The following IMMP2L variants were observed in gnomAD, a reference collection of about 807,000 sequenced individuals.
IMMP2L encodes mitochondrial inner membrane protease subunit 2.
Under a neutral mutation model 19.3 loss-of-function variants are expected in IMMP2L, and 18 were observed. The observed-to-expected ratio is 0.93, with a 90% confidence interval of 0.64 to 1.38. The LOEUF (loss-of-function observed/expected upper bound fraction) is 1.38. Among genes scored for constraint, IMMP2L ranks in the 40% most tolerant of loss-of-function variants. The pLI is 0.00. For missense variants in IMMP2L, 233 were observed against 218.2 expected (o/e 1.07, Z -0.43); for synonymous variants, 76 against 73.0 (o/e 1.04, Z -0.21).
rs1349367233 is a variant in IMMP2L, at chr7:110,712,550, T to G, written c.409-48829A>C. 7.5e-5 allele frequency among the ~76,000 whole-genome samples: 2 copies of G among 26,700 alleles called. 1 individual carries two copies. The highest frequency in any genetic ancestry group is 3.3e-4 in the African/African-American group (2 of 6,042). The allele number at this position is 26,700 out of a possible 152,430, so 17.5% of individuals were successfully genotyped here. ...TGGTGGGCTCCACCCAGTTCGAGCT[T>G]CCCGGCTGCTTTGTTTACCTAAGCA... On this transcript the variant is annotated intron_variant, in intron 5 of 5. Coordinates refer to ENST00000405709, the MANE Select transcript of IMMP2L (RefSeq NM_032549.4).
chr7:111,154,833 T>C (rs958705399), intron 3 of IMMP2L, among the ~76,000 whole-genome samples: 3 of 152,130 alleles, frequency 2.0e-5, no homozygotes, highest in African/African-American at 7.2e-5. Flanking sequence ...CCATGGTTCA[T>C]TGCAGCCTTG....
intron 5 of IMMP2L, among the ~76,000 whole-genome samples, chr7:110,879,327 G>A (rs1182646637): frequency 1.3e-5 from 2 of 151,694 alleles, no homozygotes; most frequent in South Asian, 2.1e-4. Flanking sequence ...GGCGGAGGTT[G>A]CAGTGAGCTG....
At chr7:110,901,886 A>G (rs572808664) in intron 4 of IMMP2L, among the ~76,000 whole-genome samples, 1 of 152,304 alleles carries the variant, frequency 6.6e-6, no homozygotes, top group South Asian at 2.1e-4. Context: ...GATATAAAGT[A>G]CAGATATTTG....
intron 5 of IMMP2L, among the ~76,000 whole-genome samples, chr7:110,780,109 G>A (rs1174396098): frequency 1.1e-4 from 17 of 151,246 alleles, no homozygotes; most frequent in Admixed American, 1.1e-3. Flanking sequence ...TATGTGGCTC[G>A]CTTAGGTAAG....
chr7:110,834,049 T>A (rs1022873131), intron 5 of IMMP2L, among the ~76,000 whole-genome samples: 2 of 152,212 alleles, frequency 1.3e-5, no homozygotes, highest in African/African-American at 4.8e-5. Context: ...TCATCTATAT[T>A]AATAAATTCA....
intron 3 of IMMP2L, among the ~76,000 whole-genome samples, chr7:111,438,756 C>G (rs1260130790): frequency 6.6e-6 from 1 of 151,770 alleles, no homozygotes; most frequent in Admixed American, 6.6e-5. Context: ...TAGATGTTGA[C>G]CAGTAAGACT....
intron 5 of IMMP2L, among the ~76,000 whole-genome samples, chr7:110,738,148 G>T (rs1433484263): frequency 6.6e-6 from 1 of 152,022 alleles, no homozygotes; most frequent in Non-Finnish European, 1.5e-5. Context: ...ATAAAACAAG[G>T]TTCTTTAACA....
rs145977557 is a variant in IMMP2L, at chr7:111,084,277, C to G, written c.240-120712G>C. On this transcript the variant is annotated intron_variant, in intron 3 of 5. Transcript: ENST00000405709. ...AAAGTTCCTGTAATTCTCTAGGTAACGAGGCAGCAGCAGAAATAAAATTAA... is the reference window on the plus strand; with the variant it reads ...AAAGTTCCTGTAATTCTCTAGGTAAGGAGGCAGCAGCAGAAATAAAATTAA... Among the ~76,000 whole-genome samples, 519 of 133,088 alleles carry G rather than the reference C, an allele frequency of 3.9e-3. 8 individuals are homozygous for G. In the Admixed American group the frequency reaches 0.04, roughly 10 times the overall value. The allele number at this position is 133,088 out of a possible 152,430, so 87.3% of individuals were successfully genotyped here.
chr7:111,280,930 C>T (rs925822057), intron 3 of IMMP2L, among the ~76,000 whole-genome samples: 1 of 151,776 alleles, frequency 6.6e-6, no homozygotes, highest in African/African-American at 2.4e-5. Context: ...ATTAGCCAGG[C>T]GTGGTGGCAG....
Position 111,460,379 on chromosome 7 carries a change from G to A in IMMP2L, c.239+26859C>T, listed in dbSNP as rs563388708. Among the ~76,000 whole-genome samples, 3 of 152,098 alleles carry A rather than the reference G, an allele frequency of 2.0e-5. No homozygotes were observed. In the South Asian group the frequency reaches 6.2e-4, roughly 32 times the overall value. On this transcript the variant is annotated intron_variant, in intron 3 of 5. Coordinates refer to ENST00000405709, the MANE Select transcript of IMMP2L (RefSeq NM_032549.4). ...TTCCAAGAACTAAAAGAAAATAGAG[G>A]AAGACAAATTAGAAATGAGAAGCTA...
chr7:111,465,772 T>A (rs541092553), intron 3 of IMMP2L, among the ~76,000 whole-genome samples: 2 of 152,012 alleles, frequency 1.3e-5, no homozygotes, highest in Non-Finnish European at 2.9e-5. Flanking sequence ...TGTGGTGATT[T>A]CTCAGGGATC....
At position 111,213,442 on chromosome 7, in the gene IMMP2L, G is replaced by A. The variant is rs539249014; in HGVS notation, c.240-249877C>T. Among the ~76,000 whole-genome samples the A allele has an allele frequency of 6.6e-6, 1 of 152,300 alleles. No homozygotes were observed. Among genetic ancestry groups the A allele is most frequent in the Non-Finnish European group, 1.5e-5 (1 of 68,028 alleles). Reference sequence around the variant, plus strand: ...GCAGGAGGCAGACGCGCTCCTGAGTGGAAGGGGGTGGGTCCCTAGCAAGGC... The same window carrying A: ...GCAGGAGGCAGACGCGCTCCTGAGTAGAAGGGGGTGGGTCCCTAGCAAGGC... On this transcript the variant is annotated intron_variant, in intron 3 of 5. Coordinates refer to ENST00000405709, the MANE Select transcript of IMMP2L (RefSeq NM_032549.4). This position sits in a 1 kb window ranked among gnomAD's most constrained non-coding sequence, Gnocchi z 4.8.
At chr7:110,902,199 G>T (rs370985383) in intron 4 of IMMP2L, among the ~76,000 whole-genome samples, 1 of 151,754 alleles carries the variant, frequency 6.6e-6, no homozygotes, top group Non-Finnish European at 1.5e-5. Flanking sequence ...ATGTTTAAGA[G>T]ATAAGTATAG....
chr7:110,712,990 G>A (rs1189260951), intron 5 of IMMP2L, among the ~76,000 whole-genome samples: 3 of 152,020 alleles, frequency 2.0e-5, no homozygotes, highest in Non-Finnish European at 4.4e-5. Flanking sequence ...CACGCTGGGA[G>A]CTGTAGACCG....
intron 5 of IMMP2L, among the ~76,000 whole-genome samples, chr7:110,850,583 T>G (rs773118374): frequency 6.6e-6 from 1 of 152,068 alleles, no homozygotes. Context: ...TGCTGTCTAA[T>G]ACCACTGGCT....
At position 110,813,073 on chromosome 7, in the gene IMMP2L, C is replaced by G. The variant is rs553826422; in HGVS notation, c.408+73520G>C. Among the ~76,000 whole-genome samples, 3 of 152,030 alleles carry G rather than the reference C, an allele frequency of 2.0e-5. No homozygotes were observed. In the South Asian group the frequency reaches 6.2e-4, roughly 32 times the overall value. On this transcript the variant is annotated intron_variant, in intron 5 of 5. Transcript: ENST00000405709. ...ATCACTTTGCAGTAAAATGTTTTCCCCTATATTTTACCACTAACCTCTTTT... is the reference window on the plus strand; with the variant it reads ...ATCACTTTGCAGTAAAATGTTTTCCGCTATATTTTACCACTAACCTCTTTT...
At chr7:110,886,563 A>G in intron 5 of IMMP2L, 30 bp downstream of exon 5, 1 of 1,223,818 alleles carries the variant, frequency 8.2e-7, no homozygotes, top group Non-Finnish European at 1.2e-6. Flanking sequence ...AAATCCAATT[A>G]CATCAACAAG....
Position 110,668,493 on chromosome 7 carries a change from G to A in IMMP2L, c.409-4772C>T, listed in dbSNP as rs1323321187. On this transcript the variant is annotated intron_variant, in intron 5 of 5. Transcript: ENST00000405709. ...AAGATGTTTAACTTTGTTTCATAAGGGTGATTTGCCAGTCTTCTAACTTGG... is the reference window on the plus strand; with the variant it reads ...AAGATGTTTAACTTTGTTTCATAAGAGTGATTTGCCAGTCTTCTAACTTGG... Among the ~76,000 whole-genome samples, 3 of 152,082 alleles carry A rather than the reference G, an allele frequency of 2.0e-5. No individual in the cohort carries two copies. The East Asian group carries it at 5.8e-4, about 29-fold the overall frequency.
At position 110,877,500 on chromosome 7, in the gene IMMP2L, C is replaced by A. The variant is rs910647533; in HGVS notation, c.408+9093G>T. Among the ~76,000 whole-genome samples the A allele has an allele frequency of 2.0e-5, 3 of 152,076 alleles. No individual in the cohort carries two copies. The highest frequency in any genetic ancestry group is 7.2e-5 in the African/African-American group (3 of 41,416). ...ATGAAAGGGAGAAAAAAATGACAGC[C>A]TGTGCCAAAATACAAAAATGCAAAA... is the stretch of plus-strand genomic sequence containing the variant. On this transcript the variant is annotated intron_variant, in intron 5 of 5. Transcript: ENST00000405709. This position sits in a 1 kb window ranked among gnomAD's most constrained non-coding sequence, Gnocchi z 4.0.
Sources: allele counts gnomAD v4.1 joint callset (sites outside exome capture counted in the v4.1 genomes callset), GRCh38; gene constraint gnomAD v4.1.1; non-coding constraint Gnocchi (gnomAD v3.1); transcripts MANE v1.5; gene names NCBI Gene and HGNC (gene_info 2026-07-23, HGNC 2026-07-21).